The following CNGA1 variants were observed in gnomAD, a reference collection of about 807,000 sequenced individuals.
CNGA1 encodes the protein cyclic nucleotide-gated channel alpha-1.
Under a neutral mutation model 69.7 loss-of-function variants are expected in CNGA1, and 53 were observed. The observed-to-expected ratio is 0.76, with a 90% CI of 0.61 to 0.96. The LOEUF is 0.96. CNGA1 is among the 40% of genes least tolerant of loss of function. CNGA1 has a pLI of 0.00. For missense variants in CNGA1, 739 were observed against 811.2 expected (o/e 0.91, Z 1.08); for synonymous variants, 249 against 283.5 (o/e 0.88, Z 1.22).
In CNGA1 at chr4:48,016,069, C is replaced by T. The variant is rs1715361092; in HGVS notation, c.-223+414G>A. Among the ~76,000 whole-genome samples, 2 of 152,182 alleles carry T rather than the reference C, an allele frequency of 1.3e-5. 1 individual carries two copies. Among genetic ancestry groups the T allele is most frequent in the Non-Finnish European group, 2.9e-5 (2 of 68,040 alleles). On this transcript the variant is annotated intron_variant, in intron 1 of 10. Coordinates refer to ENST00000514170, the MANE Select transcript of CNGA1 (RefSeq NM_001379270.1). Reference sequence around the variant, plus strand: ...CATATGTATGGTATAACAAGGATATCATAAACATTAGTTATTAATAATTCG... The same window carrying T: ...CATATGTATGGTATAACAAGGATATTATAAACATTAGTTATTAATAATTCG...
intron 3 of CNGA1, among the ~76,000 whole-genome samples, chr4:47,973,416 A>C (rs1329738750): frequency 6.6e-6 from 1 of 152,156 alleles, no homozygotes; most frequent in Non-Finnish European, 1.5e-5. Flanking sequence ...TATAGTATGC[A>C]GCTCAGAGCA....
rs1739192941 is a variant in CNGA1, at chr4:47,943,103, T to C, written c.437+78A>G. The C allele has an allele frequency of 3.0e-6, 3 of 1,014,360 alleles. No homozygotes were observed. In the East Asian group the frequency reaches 7.2e-5, roughly 24 times the overall value. 62.8% of individuals were successfully genotyped at this position (1,014,360 alleles called of 1,614,324 possible). On this transcript the variant is annotated intron_variant, in intron 8 of 10. Coordinates refer to ENST00000514170, the MANE Select transcript of CNGA1 (RefSeq NM_001379270.1). ...CTTTACTATAAAGTTTCTTTCTACT[T>C]TGTATTATGGAAAATCATCCCTGCA... is the stretch of plus-strand genomic sequence containing the variant.
intron 2 of CNGA1, among the ~76,000 whole-genome samples, chr4:48,003,127 G>C (rs563950223): frequency 1.3e-5 from 2 of 152,220 alleles, no homozygotes; most frequent in African/African-American, 2.4e-5. Flanking sequence ...ATACATTCTA[G>C]GGACACATGA....
intron 2 of CNGA1, among the ~76,000 whole-genome samples, chr4:47,982,580 T>A (rs186324474): frequency 6.6e-6 from 1 of 152,330 alleles, no homozygotes; most frequent in Non-Finnish European, 1.5e-5. Flanking sequence ...TATTTTGGCA[T>A]AACCAATATT....
Position 47,957,865 on chromosome 4 carries a change from A to AT in CNGA1, c.-14-5163dup, listed in dbSNP as rs1255283288. Among the ~76,000 whole-genome samples, 4 of 151,350 alleles carry AT rather than the reference A, an allele frequency of 2.6e-5. No individual in the cohort carries two copies. In the East Asian group the frequency reaches 7.8e-4, roughly 29 times the overall value. ...CATTCTCCTATGTTGTAAGCATTTG[A>AT]TAATGTATCAGATAGATGTGTTTGT... On this transcript the variant is annotated intron_variant, in intron 3 of 10. Coordinates refer to ENST00000514170, the MANE Select transcript of CNGA1 (RefSeq NM_001379270.1).
intron 3 of CNGA1, among the ~76,000 whole-genome samples, chr4:47,955,019 G>A (rs1375005159): frequency 1.4e-5 from 2 of 143,210 alleles, no homozygotes; most frequent in East Asian, 4.4e-4. Context: ...TGATAGTTAA[G>A]TGCTCACGAC....
In CNGA1 at chr4:47,942,115, C is replaced by G. The variant is rs369054249; in HGVS notation, c.471G>C (p.Ser157=). ...ACAGCCAGTTGTAATATGTGTTTCC[C>G]GAGGGATCAATAACCACAACTTCTT... is the stretch of plus-strand genomic sequence containing the variant. ...EKKEVVVIDP[S]GNTYYNWLFC... The change falls in exon 9 of 11, where the codon TCG becomes TCC. Residue 157 remains serine (S), a synonymous_variant. Transcript: ENST00000514170. 2 of 1,613,604 alleles carry G rather than the reference C, an allele frequency of 1.2e-6. No individual in the cohort carries two copies. The highest frequency in any genetic ancestry group is 1.3e-5 in the African/African-American group (1 of 74,966).
At chr4:47,988,244 A>G (rs1204380932) in intron 2 of CNGA1, among the ~76,000 whole-genome samples, 1 of 152,170 alleles carries the variant, frequency 6.6e-6, no homozygotes, top group South Asian at 2.1e-4. Context: ...GACAGGAAGG[A>G]CATAAGGAAA....
At chr4:47,999,136 T>C (rs1243974915) in intron 2 of CNGA1, among the ~76,000 whole-genome samples, 1 of 152,220 alleles carries the variant, frequency 6.6e-6, no homozygotes, top group Non-Finnish European at 1.5e-5. Context: ...AGAGACCACA[T>C]TCACATAACT....
intron 6 of CNGA1, among the ~76,000 whole-genome samples, chr4:47,947,258 G>A (rs1739451347): frequency 6.6e-6 from 1 of 152,222 alleles, no homozygotes; most frequent in Admixed American, 6.5e-5. Context: ...GAATGTGGAT[G>A]CAAGCCAAAA....
chr4:47,972,496 G>T (rs925466926), intron 3 of CNGA1, among the ~76,000 whole-genome samples: 1 of 152,200 alleles, frequency 6.6e-6, no homozygotes, highest in African/African-American at 2.4e-5. Flanking sequence ...ACCTATGGAA[G>T]TAGATCATTT....
Position 47,937,144 on chromosome 4 carries a change from C to G in CNGA1, c.1338G>C (p.Glu446Asp). Reference protein sequence around the residue: ...YLWTNKKTVDEKEVLKYLPDK... With the variant: ...YLWTNKKTVDDKEVLKYLPDK... Reference sequence around the variant, plus strand: ...CAGGTAGATACTTTAAGACTTCTTTCTCATCAACTGTTTTTTTGTTGGTCC... The same window carrying G: ...CAGGTAGATACTTTAAGACTTCTTTGTCATCAACTGTTTTTTTGTTGGTCC... The change falls in exon 11 of 11, where the codon GAG (glutamate) becomes GAC (aspartate). Residue 446 changes from glutamate (E) to aspartate (D), a missense_variant. Glu to Asp is a conservative substitution (Grantham distance 45). Transcript: ENST00000514170. 6.2e-7 allele frequency: 1 copy of G among 1,614,052 alleles called. No individual in the cohort carries two copies. The highest frequency in any genetic ancestry group is 2.2e-5 in the East Asian group (1 of 44,898).
rs748126956 is a variant in CNGA1, at chr4:47,937,421, A to G, written c.1061T>C (p.Leu354Pro). The change falls in exon 11 of 11, where the codon CTG becomes CCG. Residue 354 changes from leucine (L) to proline (P), a missense_variant. Transcript: ENST00000514170. ...TGTTTCACCAATGGTAGTCAAAGTC[A>G]GTGTAGACCAGTAAAGGCTGTATAC... ...KYVYSLYWST[L>P]TLTTIGETPP... 20 of 1,614,206 alleles carry G rather than the reference A, an allele frequency of 1.2e-5. No homozygotes were observed. The highest frequency in any genetic ancestry group is 1.7e-5 in the Non-Finnish European group (20 of 1,180,030).
chr4:48,004,424 G>A lies in CNGA1; in HGVS notation c.-123+6370C>T, dbSNP rs777866508. Among the ~76,000 whole-genome samples the A allele has an allele frequency of 7.9e-5, 12 of 152,080 alleles. 1 individual carries two copies. Among genetic ancestry groups the A allele is most frequent in the South Asian group, 2.1e-4 (1 of 4,810 alleles). ...TCTACACTCTCTCATCTCTGCACAC[G>A]AGGAGAAAACCCACCGACCCTGTGG... On this transcript the variant is annotated intron_variant, in intron 2 of 10. Transcript: ENST00000514170.
At chr4:48,005,101 T>TATTA (rs1714857569) in intron 2 of CNGA1, among the ~76,000 whole-genome samples, 1 of 122,752 alleles carries the variant, frequency 8.1e-6, no homozygotes, top group Non-Finnish European at 1.8e-5. Context: ...TGATTTGCTT[T>TATTA]TTTATTATTT....
At chr4:47,990,479 C>A (rs533083579) in intron 2 of CNGA1, among the ~76,000 whole-genome samples, 3 of 152,062 alleles carry the variant, frequency 2.0e-5, no homozygotes, top group Non-Finnish European at 4.4e-5. Context: ...GCTTTCGAAC[C>A]CTGTTTCCTG....
At chr4:47,989,658 T>A (rs1742152224) in intron 2 of CNGA1, among the ~76,000 whole-genome samples, 1 of 152,210 alleles carries the variant, frequency 6.6e-6, no homozygotes, top group South Asian at 2.1e-4. Context: ...TTTTTTTTGT[T>A]TCCGTAGGTT....
intron 10 of CNGA1, 66 bp downstream of exon 10, chr4:47,940,697 T>G (rs1372679978): frequency 9.0e-7 from 1 of 1,109,594 alleles, no homozygotes; most frequent in African/African-American, 1.5e-5. Flanking sequence ...GATTAGGAAA[T>G]GTCAAATTAC....
chr4:47,996,565 T>C lies in CNGA1; in HGVS notation c.-123+14229A>G, dbSNP rs894897762. Among the ~76,000 whole-genome samples the C allele has an allele frequency of 2.6e-5, 4 of 152,148 alleles. No individual in the cohort carries two copies. In the East Asian group the frequency reaches 7.7e-4, roughly 29 times the overall value. On this transcript the variant is annotated intron_variant, in intron 2 of 10. Transcript: ENST00000514170. ...ACCAGGCCTGGCACAAATTGAGTCC[T>C]TAATTACAGTAAATATTAAGATTAT...
Sources: gnomAD v4.1 joint callset for allele counts (sites outside exome capture counted in the v4.1 genomes callset) on GRCh38, gnomAD v4.1.1 for gene constraint, MANE v1.5 for transcripts, NCBI Gene and HGNC (gene_info 2026-07-23, HGNC 2026-07-21) for gene names.